Variants in CNTNAP2 observed in about 807,000 individuals in gnomAD.
CNTNAP2 encodes the protein contactin associated protein 2.
A neutral mutation model predicts 155.2 loss-of-function variants in CNTNAP2; 98 were observed. The ratio of observed to expected loss-of-function variants is 0.63; its 90% CI spans 0.54 to 0.75. CNTNAP2 has a LOEUF of 0.75. Among genes scored for constraint, CNTNAP2 ranks in the 30% least tolerant of loss-of-function variants. The pLI, the probability that CNTNAP2 is intolerant of heterozygous loss-of-function variation, is 0.00. For missense variants in CNTNAP2, 1,727 were observed against 1,688.1 expected, an observed-to-expected ratio of 1.02 and a Z score of -0.40; for synonymous variants, 651 against 631.2, an observed-to-expected ratio of 1.03 and a Z score of -0.47.
At chr7:146,950,476 G>C (rs1797286877) in intron 3 of CNTNAP2, among the ~76,000 whole-genome samples, 1 of 152,004 alleles carries the variant, frequency 6.6e-6, no homozygotes, top group African/African-American at 2.4e-5. Context: ...ACCGATGTGT[G>C]ATCTTCCCCT....
intron 21 of CNTNAP2, among the ~76,000 whole-genome samples, chr7:148,323,294 CTTTTTT>C (rs60109355): frequency 1.2e-4 from 6 of 49,464 alleles, no homozygotes; most frequent in African/African-American, 2.6e-4. Flanking sequence ...TTATGGATTT[CTTTTTT>C]TTTTTTTTTT....
At chr7:148,349,547 A>G (rs1226422455) in intron 21 of CNTNAP2, among the ~76,000 whole-genome samples, 1 of 151,580 alleles carries the variant, frequency 6.6e-6, no homozygotes, top group Non-Finnish European at 1.5e-5. Flanking sequence ...GACTACAGGC[A>G]CCCGTCACCA....
intron 2 of CNTNAP2, among the ~76,000 whole-genome samples, chr7:146,794,499 A>G (rs1240104512): frequency 6.6e-6 from 1 of 152,222 alleles, no homozygotes; most frequent in Non-Finnish European, 1.5e-5. Context: ...GTCAGAAATA[A>G]CATGACCCTA....
intron 17 of CNTNAP2, among the ~76,000 whole-genome samples, chr7:148,167,122 G>A (rs905175726): frequency 6.6e-6 from 1 of 152,100 alleles, no homozygotes; most frequent in African/African-American, 2.4e-5. Flanking sequence ...TTATGAAGAG[G>A]GAGGACAAAA....
intron 3 of CNTNAP2, among the ~76,000 whole-genome samples, chr7:146,947,578 T>TATATATATATATATATATATATATATAC (rs1563016170): frequency 4.4e-4 from 29 of 65,886 alleles, no homozygotes; most frequent in Non-Finnish European, 8.3e-4. Context: ...TATATATACA[T>TATATATATATATATATATATATATATAC]ATATATATAT....
At position 147,797,171 on chromosome 7, in the gene CNTNAP2, A is replaced by G. The variant is rs538999352; in HGVS notation, c.2099-106394A>G. 2.0e-5 allele frequency among the ~76,000 whole-genome samples: 3 copies of G among 152,302 alleles called. No homozygotes were observed. The East Asian group carries it at 5.8e-4, about 29-fold the overall frequency. The stretch of plus-strand genomic sequence containing the variant: ...CTCCTGTTATAATTCTCGTTGAGGG[A>G]ACATCAGTGTCCCCCCTAATTTCAC... On this transcript the variant is annotated intron_variant, in intron 13 of 23. Transcript: ENST00000361727.
In CNTNAP2 at chr7:147,105,907, G is replaced by A. The variant is rs11489482; in HGVS notation, c.551-2240G>A. 9.5e-3 allele frequency among the ~76,000 whole-genome samples: 1,442 copies of A among 151,948 alleles called. 19 individuals carry two copies. Among genetic ancestry groups the A allele is most frequent in the African/African-American group, 0.032 (1,343 of 41,486 alleles). On this transcript the variant is annotated intron_variant, in intron 4 of 23. Transcript: ENST00000361727. Reference sequence around the variant, plus strand: ...GTCTACATGAATAGCTGTCCTTCCTGTTTTTATTAATATCTTAGGATTGTC... The same window carrying A: ...GTCTACATGAATAGCTGTCCTTCCTATTTTTATTAATATCTTAGGATTGTC...
chr7:147,749,389 C>CT (rs1239229731), intron 13 of CNTNAP2, among the ~76,000 whole-genome samples: 2 of 152,056 alleles, frequency 1.3e-5, no homozygotes, highest in African/African-American at 4.8e-5. Context: ...CCATTTTTTA[C>CT]TTTCATAGGT....
At position 147,925,292 on chromosome 7, in the gene CNTNAP2, G is replaced by GCA. The variant is rs71183036; in HGVS notation, c.2255+21610_2255+21611dup. On this transcript the variant is annotated intron_variant, in intron 14 of 23. Transcript: ENST00000361727. ...CAGACAAACACACACAAGCGCGCGC[G>GCA]CACACACACACACACACACACACAC... Among the ~76,000 whole-genome samples the GCA allele has an allele frequency of 9.2e-3, 1,317 of 143,180 alleles. 16 individuals carry two copies. The highest frequency in any genetic ancestry group is 0.015 in the Non-Finnish European group (1,006 of 65,014). The allele number at this position is 143,180 out of a possible 152,430, so 93.9% of individuals were successfully genotyped here. A position where few individuals can be genotyped will look rare whatever the true frequency, so the allele number is the denominator to read the frequency against.
chr7:147,350,766 C>T (rs1795954709), intron 9 of CNTNAP2, among the ~76,000 whole-genome samples: 1 of 151,756 alleles, frequency 6.6e-6, no homozygotes, highest in African/African-American at 2.4e-5. Flanking sequence ...CTTTAAAAAC[C>T]AGACTTTACA....
chr7:148,320,806 G>GA (rs1797779539), intron 21 of CNTNAP2, among the ~76,000 whole-genome samples: 1 of 152,076 alleles, frequency 6.6e-6, no homozygotes, highest in Non-Finnish European at 1.5e-5. Context: ...TAAGAAAGAT[G>GA]AAAAAAATTA....
intron 13 of CNTNAP2, among the ~76,000 whole-genome samples, chr7:147,901,729 TC>T (rs1563129158): frequency 6.6e-6 from 1 of 152,134 alleles, no homozygotes; most frequent in Non-Finnish European, 1.5e-5. Flanking sequence ...CTCATTTGCC[TC>T]CCCCACTCTC....
chr7:147,841,438 C>G (rs966431318), intron 13 of CNTNAP2, among the ~76,000 whole-genome samples: 1 of 152,018 alleles, frequency 6.6e-6, no homozygotes, highest in Non-Finnish European at 1.5e-5. Flanking sequence ...AGGGAAAGAC[C>G]GAGACTGAGA....
intron 1 of CNTNAP2, among the ~76,000 whole-genome samples, chr7:146,541,141 A>G (rs1253820401): frequency 3.9e-5 from 6 of 151,980 alleles, no homozygotes; most frequent in Non-Finnish European, 2.9e-5. Flanking sequence ...TCCTCCTTGT[A>G]CTTCAGAGCT....
intron 13 of CNTNAP2, among the ~76,000 whole-genome samples, chr7:147,676,354 A>G (rs1795868363): frequency 6.6e-6 from 1 of 152,050 alleles, no homozygotes; most frequent in South Asian, 2.1e-4. Flanking sequence ...ATGGCAACAC[A>G]AACTCTATTT....
intron 12 of CNTNAP2, among the ~76,000 whole-genome samples, chr7:147,618,252 T>C (rs1801330121): frequency 6.6e-6 from 1 of 152,238 alleles, no homozygotes; most frequent in South Asian, 2.1e-4. Context: ...TAATGCCACC[T>C]GTGAAAAGTA....
intron 1 of CNTNAP2, among the ~76,000 whole-genome samples, chr7:146,309,969 A>C (rs1024868849): frequency 6.6e-6 from 1 of 152,222 alleles, no homozygotes; most frequent in Non-Finnish European, 1.5e-5. Flanking sequence ...TGCTGCTATC[A>C]AAATGCAATT....
chr7:147,045,834 A>G (rs1799346125), intron 4 of CNTNAP2, among the ~76,000 whole-genome samples: 1 of 152,128 alleles, frequency 6.6e-6, no homozygotes, highest in Non-Finnish European at 1.5e-5. Flanking sequence ...ATATATAGGT[A>G]TATATACACA....
intron 13 of CNTNAP2, among the ~76,000 whole-genome samples, chr7:147,862,627 A>G (rs1337950617): frequency 6.6e-6 from 1 of 151,662 alleles, no homozygotes; most frequent in Non-Finnish European, 1.5e-5. Context: ...GACCACTCAT[A>G]TATATATACA....
Sources: gnomAD v4.1 joint callset for allele counts (sites outside exome capture counted in the v4.1 genomes callset) on GRCh38, gnomAD v4.1.1 for gene constraint, MANE v1.5 for transcripts, NCBI Gene and HGNC (gene_info 2026-07-23, HGNC 2026-07-21) for gene names.